Variants in DLG1 observed in about 807,000 individuals in gnomAD.
The protein encoded by DLG1 is discs large MAGUK scaffold protein 1.
A neutral mutation model predicts 123.4 loss-of-function variants in DLG1; 42 were observed. That is an observed-to-expected ratio of 0.34 (90% CI 0.27 to 0.44). The LOEUF (loss-of-function observed/expected upper bound fraction) is 0.44. Ranked by LOEUF, DLG1 falls within the 20% of genes least tolerant of loss-of-function variation. The pLI, the probability that DLG1 is intolerant of heterozygous loss-of-function variation, is 1.00. For missense variants in DLG1, 942 were observed against 1,082.6 expected (o/e 0.87, Z 1.82); for synonymous variants, 317 against 356.2 (o/e 0.89, Z 1.24).
intron 4 of DLG1, among the ~76,000 whole-genome samples, chr3:197,259,249 GT>G (rs1758256535): frequency 6.6e-6 from 1 of 152,150 alleles, no homozygotes; most frequent in Non-Finnish European, 1.5e-5. Context: ...CAACAAGACA[GT>G]TTACCTAGAG....
chr3:197,232,763 A>C (rs574102315), intron 4 of DLG1, among the ~76,000 whole-genome samples: 48 of 152,220 alleles, frequency 3.2e-4, no homozygotes, highest in African/African-American at 8.9e-4. Context: ...AAAAAAAAAA[A>C]AACTATGAAA....
intron 5 of DLG1, among the ~76,000 whole-genome samples, chr3:197,179,508 T>C (rs949111832): frequency 3.3e-5 from 5 of 152,182 alleles, no homozygotes; most frequent in African/African-American, 1.2e-4. Flanking sequence ...CAACAATATT[T>C]ACTGAATGTT....
At chr3:197,054,152 G>T (rs1322457904) in intron 23 of DLG1, among the ~76,000 whole-genome samples, 1 of 152,130 alleles carries the variant, frequency 6.6e-6, no homozygotes, top group East Asian at 1.9e-4. Flanking sequence ...TCCCTTGTGT[G>T]TGGTAAGTTG....
intron 4 of DLG1, among the ~76,000 whole-genome samples, chr3:197,247,406 G>C (rs916020350): frequency 8.6e-5 from 13 of 152,020 alleles, no homozygotes; most frequent in African/African-American, 3.1e-4. Context: ...AGATGTTAGT[G>C]GGCTGTTCAG....
chr3:197,118,140 G>C (rs1205643669), intron 12 of DLG1, among the ~76,000 whole-genome samples: 1 of 152,116 alleles, frequency 6.6e-6, no homozygotes, highest in African/African-American at 2.4e-5. Context: ...TTCTAGACAA[G>C]AGACTCAAGT....
At chr3:197,184,939 C>T (rs536388479) in intron 5 of DLG1, among the ~76,000 whole-genome samples, 2 of 152,214 alleles carry the variant, frequency 1.3e-5, no homozygotes, top group African/African-American at 4.8e-5. Flanking sequence ...GTATCCTCTC[C>T]CCATCAAAAT....
At chr3:197,200,102 A>T (rs1724826645) in intron 4 of DLG1, among the ~76,000 whole-genome samples, 1 of 152,130 alleles carries the variant, frequency 6.6e-6, no homozygotes, top group Admixed American at 6.6e-5. Context: ...CTGTTAGATA[A>T]TTTCCAGATA....
In DLG1 at chr3:197,241,679, T is replaced by A. The variant is rs2150741995; in HGVS notation, c.318+41000A>T. On this transcript the variant is annotated intron_variant, in intron 4 of 24. Transcript: ENST00000667157. ...AACTGAGACAATTAAAAGCCTCTAA[T>A]GAATTCTTAGAGGGAGGGATGAAGT... Among the ~76,000 whole-genome samples the A allele has an allele frequency of 1.3e-5, 2 of 152,276 alleles. 1 individual carries two copies. The highest frequency in any genetic ancestry group is 4.1e-4 in the South Asian group (2 of 4,828).
chr3:197,133,564 G>A (rs1783695566), intron 10 of DLG1, among the ~76,000 whole-genome samples: 2 of 152,204 alleles, frequency 1.3e-5, no homozygotes, highest in African/African-American at 4.8e-5. Context: ...GGGATTTAAT[G>A]TGAAATGTGT....
At chr3:197,161,942 T>C (rs1798945411) in intron 5 of DLG1, among the ~76,000 whole-genome samples, 1 of 152,200 alleles carries the variant, frequency 6.6e-6, no homozygotes, top group African/African-American at 2.4e-5. Context: ...ATAATTTTAA[T>C]GATTCTGTAA....
At chr3:197,061,474 T>C (rs1191594667) in intron 22 of DLG1, among the ~76,000 whole-genome samples, 2 of 152,186 alleles carry the variant, frequency 1.3e-5, no homozygotes, top group African/African-American at 2.4e-5. Context: ...ATGTTCCTTA[T>C]TGGAAAAGAG....
chr3:197,201,698 T>C (rs977643383), intron 4 of DLG1, among the ~76,000 whole-genome samples: 2 of 152,124 alleles, frequency 1.3e-5, no homozygotes, highest in African/African-American at 2.4e-5. Context: ...AAAACACCCA[T>C]GCTCATGGAT....
At chr3:197,156,007 G>A (rs570760879) in intron 5 of DLG1, among the ~76,000 whole-genome samples, 10 of 152,216 alleles carry the variant, frequency 6.6e-5, no homozygotes, top group East Asian at 1.9e-4. Context: ...GGTAAATAAC[G>A]AAAATCAATT....
chr3:197,256,313 T>C (rs1756866365), intron 4 of DLG1, among the ~76,000 whole-genome samples: 1 of 152,250 alleles, frequency 6.6e-6, no homozygotes, highest in Non-Finnish European at 1.5e-5. Flanking sequence ...CCATACAAGG[T>C]AAGTAAATGA....
At chr3:197,244,413 G>A (rs1750561595) in intron 4 of DLG1, among the ~76,000 whole-genome samples, 1 of 152,162 alleles carries the variant, frequency 6.6e-6, no homozygotes, top group South Asian at 2.1e-4. Context: ...TTAGAGTGCA[G>A]ACAGAATATT....
intron 17 of DLG1, among the ~76,000 whole-genome samples, chr3:197,077,543 T>C (rs575275095): frequency 1.3e-5 from 2 of 152,298 alleles, no homozygotes; most frequent in Admixed American, 1.3e-4. Context: ...CATCCAATCA[T>C]TGGCACCACG....
chr3:197,155,884 G>T (rs1394586250), intron 5 of DLG1, among the ~76,000 whole-genome samples: 1 of 152,176 alleles, frequency 6.6e-6, no homozygotes, highest in African/African-American at 2.4e-5. Context: ...AAGAGGTTGA[G>T]GCTGCAGTGA....
intron 1 of DLG1, 63 bp downstream of exon 1, chr3:197,298,473 G>A: frequency 2.5e-6 from 1 of 398,766 alleles, no homozygotes; most frequent in Non-Finnish European, 4.4e-6. Flanking sequence ...GCCAGGCCGG[G>A]AAGGCTCGGG....
chr3:197,222,633 G>A (rs1737734028), intron 4 of DLG1, among the ~76,000 whole-genome samples: 1 of 152,096 alleles, frequency 6.6e-6, no homozygotes, highest in African/African-American at 2.4e-5. Flanking sequence ...GAAGCTACTT[G>A]TATCCCTGGC....
Sources: gnomAD v4.1 joint callset for allele counts (sites outside exome capture counted in the v4.1 genomes callset) on GRCh38, gnomAD v4.1.1 for gene constraint, MANE v1.5 for transcripts, NCBI Gene and HGNC (gene_info 2026-07-23, HGNC 2026-07-21) for gene names.